ASIC4: variants seen among roughly 807,000 people sequenced by gnomAD.
The protein encoded by ASIC4 is acid-sensing ion channel 4.
Under a neutral mutation model 53.4 loss-of-function variants are expected in ASIC4, and 28 were observed. That is an observed-to-expected ratio of 0.52 (90% confidence interval 0.39 to 0.72). The LOEUF (loss-of-function observed/expected upper bound fraction) is 0.72, where lower values mean the gene tolerates loss of function less well. Ranked by LOEUF, ASIC4 falls within the 30% of genes least tolerant of loss-of-function variation. The pLI is 0.00. For synonymous variants in ASIC4, 289 were observed against 301.4 expected (o/e 0.96, Z 0.43); for missense variants, 649 against 729.7 (o/e 0.89, Z 1.27).
At chr2:219,532,824 G>A in intron 4 of ASIC4, 59 bp from the exon 5 acceptor site, 1 of 1,505,170 alleles carries the variant, frequency 6.6e-7, no homozygotes, top group East Asian at 2.3e-5. Context: ...TTACATTTGG[G>A]CGTGTGGGGG....
At chr2:219,521,346 G>T (rs60853015) in intron 1 of ASIC4, among the ~76,000 whole-genome samples, 132 of 152,336 alleles carry the variant, frequency 8.7e-4, no homozygotes, top group African/African-American at 3.1e-3. Context: ...ATGCTGATTA[G>T]CGTTTGAAGA....
rs1559121132 is a variant in ASIC4 at position 219,537,336 on chromosome 2, GA to G, written c.1401+17del. The G allele has an allele frequency of 6.2e-7, 1 of 1,609,574 alleles. No individual in the cohort carries two copies. On this transcript the variant is annotated intron_variant, in intron 8 of 9. Transcript: ENST00000358078. This position sits in a 1 kb window ranked among gnomAD's most constrained non-coding sequence, Gnocchi z 4.9. Reference sequence around the variant, plus strand: ...ACATCTATGAGGCAAGGGCCCTGGAGAAGGCAGGGTGGGAGTGGGGGCCGTG... The same window carrying G: ...ACATCTATGAGGCAAGGGCCCTGGAGAGGCAGGGTGGGAGTGGGGGCCGTG...
At chr2:219,510,935 C>G (rs1274963898), upstream of ASIC4, among the ~76,000 whole-genome samples, 1 of 152,130 alleles carries the variant, frequency 6.6e-6, no homozygotes, top group Admixed American at 6.5e-5. The surrounding 1 kb of genome is among the most constrained non-coding windows in gnomAD (Gnocchi z 5.2). Context: ...CCCCCCGCCC[C>G]TCGGCCCCTG....
At chr2:219,514,388 G>GCTCGCTCCCTCGCTCA, upstream of ASIC4, 1 of 1,547,480 alleles carries the variant, frequency 6.5e-7, no homozygotes, top group East Asian at 2.4e-5. Flanking sequence ...GCGGAGCAGC[G>GCTCGCTCCCTCGCTCA]CTCGCTCCCT....
At position 219,523,760 on chromosome 2, in the gene ASIC4, TG is replaced by T. The variant is rs899642414; in HGVS notation, c.583-7996del. On this transcript the variant is annotated intron_variant, in intron 1 of 9. Transcript: ENST00000358078. ...GTAACAATTTATCCATTTGTGTGAC[TG>T]GTGGATTTGTGAACATGCCTGGTGC... Among the ~76,000 whole-genome samples the T allele has an allele frequency of 3.3e-5, 5 of 152,138 alleles. No individual in the cohort carries two copies. In the South Asian group the frequency reaches 1.0e-3, roughly 31 times the overall value.
At chr2:219,510,088 G>A (rs776466565), upstream of ASIC4, among the ~76,000 whole-genome samples, 12 of 151,774 alleles carry the variant, frequency 7.9e-5, no homozygotes, top group Non-Finnish European at 1.5e-4. This position sits in a 1 kb window ranked among gnomAD's most constrained non-coding sequence, Gnocchi z 5.2. Context: ...TCTCCCCGTC[G>A]ATGACCACCT....
rs1034380385 is a variant in ASIC4 at position 219,532,011 on chromosome 2, G to A, written c.738G>A (p.Ser246=). 7.4e-6 allele frequency: 12 copies of A among 1,614,108 alleles called. No individual in the cohort carries two copies. Among genetic ancestry groups the A allele is most frequent in the Middle Eastern group, 3.3e-4 (2 of 6,084 alleles). Residue 246 remains serine, a synonymous_variant, in exon 3 of 10, where the codon TCG becomes TCA. Transcript: ENST00000358078. ...ATCTCTGCTGTGCAGATGAGACGTC[G>A]TTTGAGGCAGGTATTCGGGTGCAGA... ...LPIWRETNET[S]FEAGIRVQIH...
chr2:219,534,557 C>T (rs991292661), intron 5 of ASIC4, among the ~76,000 whole-genome samples: 1 of 152,192 alleles, frequency 6.6e-6, no homozygotes, highest in African/African-American at 2.4e-5. Flanking sequence ...GCTGGGGCCT[C>T]CTGTTGGCCA....
intron 1 of ASIC4, among the ~76,000 whole-genome samples, chr2:219,521,806 C>G (rs1694889360): frequency 6.6e-6 from 1 of 152,160 alleles, no homozygotes; most frequent in Non-Finnish European, 1.5e-5. Flanking sequence ...CTTTGAGCAG[C>G]TGGGAAGAGG....
At chr2:219,514,422 ACACACGCAGGGG>A, upstream of ASIC4, 1 of 1,549,060 alleles carries the variant, frequency 6.5e-7, no homozygotes, top group Non-Finnish European at 8.7e-7. Context: ...GCTCGCAGGG[ACACACGCAGGGG>A]CTGACAGCTG....
In ASIC4 at chr2:219,521,309, G is replaced by C. The variant is rs530775189; in HGVS notation, c.582+6003G>C. Among the ~76,000 whole-genome samples the C allele has an allele frequency of 1.2e-4, 18 of 152,376 alleles. No homozygotes were observed. In the South Asian group the frequency reaches 3.7e-3, roughly 32 times the overall value. Reference sequence around the variant, plus strand: ...CAGCCCCGAGCTGGGCTCATTATCAGCTCAGCTTCTCAGACACTGCCGGAA... The same window carrying C: ...CAGCCCCGAGCTGGGCTCATTATCACCTCAGCTTCTCAGACACTGCCGGAA... On this transcript the variant is annotated intron_variant, in intron 1 of 9. Transcript: ENST00000358078.
intron 1 of ASIC4, among the ~76,000 whole-genome samples, chr2:219,525,916 A>G (rs1694955327): frequency 6.6e-6 from 1 of 152,230 alleles, no homozygotes; most frequent in African/African-American, 2.4e-5. Flanking sequence ...GAAGAATGTC[A>G]GGGGAAGTGC....
chr2:219,513,944 C>T (rs867625244), upstream of ASIC4, among the ~76,000 whole-genome samples: 5 of 152,214 alleles, frequency 3.3e-5, no homozygotes, highest in Non-Finnish European at 7.3e-5. Flanking sequence ...CTCCGTCATT[C>T]AAACAAGTGG....
chr2:219,513,066 G>C (rs887008596), upstream of ASIC4, among the ~76,000 whole-genome samples: 3 of 152,190 alleles, frequency 2.0e-5, no homozygotes, highest in Non-Finnish European at 4.4e-5. Context: ...GTTGGGCAGC[G>C]GGTGGACCTC....
upstream of ASIC4, among the ~76,000 whole-genome samples, chr2:219,510,530 A>C (rs1003578885): frequency 1.3e-5 from 2 of 152,054 alleles, no homozygotes; most frequent in African/African-American, 2.4e-5. The surrounding 1 kb of genome is among the most constrained non-coding windows in gnomAD (Gnocchi z 5.2). Flanking sequence ...AGACTTTGTT[A>C]GTTTCTGGCC....
chr2:219,537,695 G>A lies in ASIC4; in HGVS notation c.1465G>A (p.Gly489Arg). The A allele has an allele frequency of 6.2e-7, 1 of 1,614,064 alleles. No individual in the cohort carries two copies. Among genetic ancestry groups the A allele is most frequent in the South Asian group, 1.1e-5 (1 of 91,072 alleles). Residue 489 changes from glycine to arginine, a missense_variant, in exon 9 of 10, where the codon GGG (glycine) becomes AGG (arginine). Gly to Arg is a moderately radical substitution (Grantham distance 125). Coordinates refer to ENST00000358078, the MANE Select transcript of ASIC4 (RefSeq NM_018674.6). This position sits in a 1 kb window ranked among gnomAD's most constrained non-coding sequence, Gnocchi z 4.9. ...CAAGACCCCCCTGCGGACCTCCACT[G>A]GGGGCATCTCCACTTTGGGGCTTCA... ...RPKTPLRTST[G>R]GISTLGLQEL...
rs1339401686 is a variant in ASIC4 at position 219,518,123 on chromosome 2, A to G, written c.582+2817A>G. Among the ~76,000 whole-genome samples, 1 of 152,076 alleles carries G rather than the reference A, an allele frequency of 6.6e-6. No individual in the cohort carries two copies. Among genetic ancestry groups the G allele is most frequent in the Non-Finnish European group, 1.5e-5 (1 of 68,016 alleles). ...AATCAACATGGAGTTCTGGGTGCCT[A>G]CTATGTGTTGGGCTCCCTGCTCAGA... On this transcript the variant is annotated intron_variant, in intron 1 of 9. Coordinates refer to ENST00000358078, the MANE Select transcript of ASIC4 (RefSeq NM_018674.6). This position sits in a 1 kb window ranked among gnomAD's most constrained non-coding sequence, Gnocchi z 4.8.
At chr2:219,524,505 A>G (rs1046688369) in intron 1 of ASIC4, among the ~76,000 whole-genome samples, 1 of 152,258 alleles carries the variant, frequency 6.6e-6, no homozygotes, top group Non-Finnish European at 1.5e-5. Context: ...TAATCTATAT[A>G]AAGTGCTTAG....
intron 1 of ASIC4, among the ~76,000 whole-genome samples, chr2:219,520,342 T>C (rs931920471): frequency 6.6e-6 from 1 of 152,094 alleles, no homozygotes; most frequent in Non-Finnish European, 1.5e-5. Context: ...AGGACAGCTC[T>C]GAGGCACAGA....
Sources: allele counts gnomAD v4.1 joint callset (sites outside exome capture counted in the v4.1 genomes callset), GRCh38; gene constraint gnomAD v4.1.1; non-coding constraint Gnocchi (gnomAD v3.1); transcripts MANE v1.5; gene names NCBI Gene and HGNC (gene_info 2026-07-23, HGNC 2026-07-21).